B3GAT2: variants seen among roughly 807,000 people sequenced by gnomAD.
B3GAT2 encodes the protein beta-1,3-glucuronyltransferase 2.
A neutral mutation model predicts 27.8 loss-of-function variants in B3GAT2; 26 were observed. That is an observed-to-expected ratio of 0.93 (90% CI 0.68 to 1.30). The LOEUF is 1.30. Ranked by LOEUF, B3GAT2 falls within the 50% of genes most tolerant of loss-of-function variation. The pLI is 0.00. For synonymous variants in B3GAT2, 218 were observed against 195.1 expected (o/e 1.12, Z -0.98); for missense variants, 458 against 459.0 (o/e 1.00, Z 0.02).
intron 2 of B3GAT2, among the ~76,000 whole-genome samples, chr6:70,879,726 A>G (rs1307083095): frequency 6.6e-6 from 1 of 152,108 alleles, no homozygotes; most frequent in Non-Finnish European, 1.5e-5. Flanking sequence ...AGGGTGGACC[A>G]AGGATGATTA....
At chr6:70,868,737 A>C (rs183428143) in intron 2 of B3GAT2, among the ~76,000 whole-genome samples, 3 of 152,330 alleles carry the variant, frequency 2.0e-5, no homozygotes, top group Admixed American at 2.0e-4. Context: ...CACGTTAAAC[A>C]ATAAGAAAAA....
intron 1 of B3GAT2, among the ~76,000 whole-genome samples, chr6:70,942,647 G>T (rs1235833659): frequency 1.3e-5 from 2 of 152,134 alleles, no homozygotes; most frequent in Non-Finnish European, 2.9e-5. Flanking sequence ...ATCTGGGAGG[G>T]CTGAGATGCT....
intron 1 of B3GAT2, among the ~76,000 whole-genome samples, chr6:70,898,959 G>C (rs989746145): frequency 2.1e-5 from 3 of 142,798 alleles, no homozygotes; most frequent in Non-Finnish European, 3.1e-5. Flanking sequence ...CAAGACCCTG[G>C]CTCAAAATAA....
chr6:70,951,130 C>G (rs1345509108), intron 1 of B3GAT2, among the ~76,000 whole-genome samples: 1 of 152,074 alleles, frequency 6.6e-6, no homozygotes, highest in African/African-American at 2.4e-5. Flanking sequence ...CTTACACAGG[C>G]TGAATATTCC....
At chr6:70,950,059 TG>T (rs1765554587) in intron 1 of B3GAT2, among the ~76,000 whole-genome samples, 1 of 73,814 alleles carries the variant, frequency 1.4e-5, no homozygotes, top group East Asian at 3.6e-4. Flanking sequence ...TGTTGTGGGG[TG>T]GGGGTTGGGG....
chr6:70,866,401 A>G (rs971909035), intron 2 of B3GAT2, among the ~76,000 whole-genome samples: 2 of 152,210 alleles, frequency 1.3e-5, no homozygotes, highest in Non-Finnish European at 2.9e-5. Flanking sequence ...ATGTATTTAT[A>G]ATATAGTATA....
intron 2 of B3GAT2, among the ~76,000 whole-genome samples, chr6:70,877,718 T>C (rs1772036987): frequency 6.6e-6 from 1 of 152,192 alleles, no homozygotes; most frequent in Non-Finnish European, 1.5e-5. Flanking sequence ...TGTAAGACTG[T>C]CCACGCTTCC....
intron 1 of B3GAT2, among the ~76,000 whole-genome samples, chr6:70,917,730 G>A (rs368683553): frequency 6.6e-6 from 1 of 152,184 alleles, no homozygotes; most frequent in East Asian, 1.9e-4. Flanking sequence ...TTAATCCTGA[G>A]TTCTAATTTG....
chr6:70,931,586 G>T (rs184483452), intron 1 of B3GAT2, among the ~76,000 whole-genome samples: 1 of 152,058 alleles, frequency 6.6e-6, no homozygotes, highest in Non-Finnish European at 1.5e-5. Flanking sequence ...ATCATTCAAC[G>T]GAAGAAAGAA....
chr6:70,875,246 T>C lies in B3GAT2; in HGVS notation c.737-13268A>G, dbSNP rs533270602. ...AATACTGTAATGTAGGGTTTGATGA[T>C]TGAAAACAGAAAACTGCTACTTAAC... is the stretch of plus-strand genomic sequence containing the variant. On this transcript the variant is annotated intron_variant, in intron 2 of 3. Coordinates refer to ENST00000230053, the MANE Select transcript of B3GAT2 (RefSeq NM_080742.3). Among the ~76,000 whole-genome samples, 13 of 152,260 alleles carry C rather than the reference T, an allele frequency of 8.5e-5. No homozygotes were observed. In the East Asian group the frequency reaches 9.7e-4, roughly 11 times the overall value.
At chr6:70,923,283 C>T (rs1420067527) in intron 1 of B3GAT2, among the ~76,000 whole-genome samples, 1 of 152,138 alleles carries the variant, frequency 6.6e-6, no homozygotes. Context: ...ATCAGCCCAG[C>T]CCTGAAATAA....
At chr6:70,866,417 A>T (rs1410711402) in intron 2 of B3GAT2, among the ~76,000 whole-genome samples, 4 of 152,210 alleles carry the variant, frequency 2.6e-5, no homozygotes, top group African/African-American at 9.6e-5. Flanking sequence ...GTATAACATT[A>T]CATATATATG....
chr6:70,918,802 A>G (rs1772818874), intron 1 of B3GAT2, among the ~76,000 whole-genome samples: 1 of 152,050 alleles, frequency 6.6e-6, no homozygotes. Flanking sequence ...GGGTAACCCG[A>G]CCTTTCTCTC....
At chr6:70,941,630 C>T (rs914647362) in intron 1 of B3GAT2, among the ~76,000 whole-genome samples, 1 of 152,098 alleles carries the variant, frequency 6.6e-6, no homozygotes, top group Non-Finnish European at 1.5e-5. Context: ...GAGTAGGGAC[C>T]ACGTTTATCT....
chr6:70,936,170 C>T (rs1349368982), intron 1 of B3GAT2, among the ~76,000 whole-genome samples: 13 of 152,044 alleles, frequency 8.6e-5, no homozygotes, highest in South Asian at 4.2e-4. Context: ...CGTTACATAA[C>T]GGTAAAGGGA....
intron 2 of B3GAT2, among the ~76,000 whole-genome samples, chr6:70,870,430 T>C (rs1466812297): frequency 1.4e-5 from 2 of 146,566 alleles, no homozygotes; most frequent in Non-Finnish European, 3.0e-5. Context: ...TTAGGAGATA[T>C]ACCTAATGCT....
At position 70,941,728 on chromosome 6, in the gene B3GAT2, G is replaced by T. The variant is rs566957331; in HGVS notation, c.591+14111C>A. The stretch of plus-strand genomic sequence containing the variant: ...GATTTGATTGACAATCTCTGTGCAG[G>T]ACTCCTTTCAGGGATTAAACTCTGT... On this transcript the variant is annotated intron_variant, in intron 1 of 3. Transcript: ENST00000230053. 7.9e-5 allele frequency among the ~76,000 whole-genome samples: 12 copies of T among 152,208 alleles called. No homozygotes were observed. In the East Asian group the frequency reaches 2.3e-3, roughly 29 times the overall value.
intron 2 of B3GAT2, among the ~76,000 whole-genome samples, chr6:70,878,418 A>G (rs1349084936): frequency 6.6e-6 from 1 of 152,082 alleles, no homozygotes; most frequent in Non-Finnish European, 1.5e-5. Context: ...TCTCCTTCTC[A>G]TTCAATATTT....
At chr6:70,878,040 G>A (rs1772041995) in intron 2 of B3GAT2, among the ~76,000 whole-genome samples, 1 of 152,178 alleles carries the variant, frequency 6.6e-6, no homozygotes, top group African/African-American at 2.4e-5. Flanking sequence ...AGTTTCTAGT[G>A]TAGTGCTTTG....
Sources: allele counts gnomAD v4.1 joint callset (sites outside exome capture counted in the v4.1 genomes callset), GRCh38; gene constraint gnomAD v4.1.1; transcripts MANE v1.5; gene names NCBI Gene and HGNC (gene_info 2026-07-23, HGNC 2026-07-21).